KIAA1549: variants seen among roughly 807,000 people sequenced by gnomAD.
The protein encoded by KIAA1549 is KIAA1549.
A neutral mutation model predicts 156.4 loss-of-function variants in KIAA1549; 70 were observed. The observed-to-expected ratio is 0.45, with a 90% CI of 0.37 to 0.55. KIAA1549 has a LOEUF of 0.55. KIAA1549 is among the 20% of genes least tolerant of loss of function. The probability of loss-of-function intolerance (pLI) is 0.00; values close to 1 mark genes in which losing one functional copy is unlikely to be tolerated. For missense variants in KIAA1549, 2,428 were observed against 2,540.9 expected (o/e 0.96, Z 0.96); for synonymous variants, 1,103 against 1,066.4 (o/e 1.03, Z -0.67).
At chr7:138,886,410 G>A (rs1811391972) in intron 10 of KIAA1549, among the ~76,000 whole-genome samples, 1 of 152,022 alleles carries the variant, frequency 6.6e-6, no homozygotes, top group South Asian at 2.1e-4. Flanking sequence ...AAGGAGCTGG[G>A]ACCACAGACA....
intron 3 of KIAA1549, 115 bp from the exon 4 acceptor site, chr7:138,911,438 T>C (rs921443834): frequency 8.2e-6 from 6 of 736,040 alleles, no homozygotes; most frequent in Non-Finnish European, 1.1e-5. Context: ...GGGTAGTGCA[T>C]CACGGATAAT....
At chr7:138,904,668 T>C (rs1365245145) in intron 7 of KIAA1549, among the ~76,000 whole-genome samples, 1 of 151,136 alleles carries the variant, frequency 6.6e-6, no homozygotes, top group Non-Finnish European at 1.5e-5. Context: ...CCACCCTGCT[T>C]GTCCTTATTA....
chr7:138,839,220 T>C (rs1809836644), intron 19 of KIAA1549, among the ~76,000 whole-genome samples: 2 of 152,146 alleles, frequency 1.3e-5, no homozygotes, highest in East Asian at 1.9e-4. Context: ...AGTGTGTCTG[T>C]TGGGAAGGCA....
rs995230695 is a variant in KIAA1549 at position 138,947,369 on chromosome 7, G to A, written c.188-27931C>T. Reference sequence around the variant, plus strand: ...CAAATGAGGAAACTGAAGCTACAGAGGCTGAAAAACCCGAAAACGCTGAAT... The same window carrying A: ...CAAATGAGGAAACTGAAGCTACAGAAGCTGAAAAACCCGAAAACGCTGAAT... On this transcript the variant is annotated intron_variant, in intron 1 of 19. Coordinates refer to ENST00000422774, the MANE Select transcript of KIAA1549 (RefSeq NM_001164665.2). Among the ~76,000 whole-genome samples, 12 of 152,190 alleles carry A rather than the reference G, an allele frequency of 7.9e-5. No individual in the cohort carries two copies. In the East Asian group the frequency reaches 2.3e-3, roughly 29 times the overall value.
rs1440897573 is a variant in KIAA1549 at position 138,921,061 on chromosome 7, T to C, written c.188-1623A>G. Among the ~76,000 whole-genome samples the C allele has an allele frequency of 3.3e-5, 5 of 152,332 alleles. No homozygotes were observed. In the South Asian group the frequency reaches 6.2e-4, roughly 19 times the overall value. ...AAGGCAGGTACTGGACCAGCTGGCC[T>C]GTTGTTTAGGCCACAACGGAGATGA... On this transcript the variant is annotated intron_variant, in intron 1 of 19. Coordinates refer to ENST00000422774, the MANE Select transcript of KIAA1549 (RefSeq NM_001164665.2).
At chr7:138,919,605 G>T (rs1245298267) in intron 1 of KIAA1549, 167 bp from the exon 2 acceptor site, 1 of 1,172,190 alleles carries the variant, frequency 8.5e-7, no homozygotes, top group Non-Finnish European at 1.2e-6. Context: ...GAAATTGACA[G>T]AATTACCATC....
At chr7:138,849,846 AG>A (rs996243578) in intron 17 of KIAA1549, among the ~76,000 whole-genome samples, 1 of 152,208 alleles carries the variant, frequency 6.6e-6, no homozygotes, top group Non-Finnish European at 1.5e-5. Flanking sequence ...TAGTTTGCTA[AG>A]GATAACGGCC....
At chr7:138,957,613 G>C (rs1451742875) in intron 1 of KIAA1549, among the ~76,000 whole-genome samples, 1 of 151,988 alleles carries the variant, frequency 6.6e-6, no homozygotes, top group Non-Finnish European at 1.5e-5. Flanking sequence ...GAGTAGATGG[G>C]ACTACAGGTT....
intron 1 of KIAA1549, among the ~76,000 whole-genome samples, chr7:138,960,761 C>T (rs1333701712): frequency 1.3e-5 from 2 of 152,062 alleles, no homozygotes; most frequent in Non-Finnish European, 1.5e-5. Context: ...CTGCTCTCTC[C>T]ATATTGCACG....
intron 10 of KIAA1549, among the ~76,000 whole-genome samples, chr7:138,890,987 C>T (rs1811529632): frequency 6.6e-6 from 1 of 152,204 alleles, no homozygotes; most frequent in South Asian, 2.1e-4. Context: ...GGCCCGCCTT[C>T]ATCTCCACCG....
At chr7:138,853,092 CTG>C (rs1379334865) in intron 16 of KIAA1549, among the ~76,000 whole-genome samples, 1 of 152,172 alleles carries the variant, frequency 6.6e-6, no homozygotes, top group Non-Finnish European at 1.5e-5. Flanking sequence ...TTTTCAATAA[CTG>C]TGAATTGTTC....
chr7:138,906,413 C>A (rs1812007105), intron 6 of KIAA1549, among the ~76,000 whole-genome samples: 1 of 152,172 alleles, frequency 6.6e-6, no homozygotes, highest in Non-Finnish European at 1.5e-5. Flanking sequence ...CTGGGGGATG[C>A]TGATAATGGA....
intron 9 of KIAA1549, among the ~76,000 whole-genome samples, chr7:138,897,700 C>A (rs1255656961): frequency 6.6e-6 from 1 of 151,588 alleles, no homozygotes; most frequent in Non-Finnish European, 1.5e-5. Context: ...CAAGACCAGC[C>A]TAGGCAACAT....
intron 10 of KIAA1549, among the ~76,000 whole-genome samples, chr7:138,883,233 A>C (rs1286897445): frequency 2.1e-5 from 3 of 146,062 alleles, no homozygotes; most frequent in African/African-American, 7.6e-5. Context: ...AGATCGCGCC[A>C]CTGCACTCCA....
Position 138,837,754 on chromosome 7 carries a change from T to G in KIAA1549, c.*152A>C. ...AAGGCTCATGAGCTGTCACACGACG[T>G]ATGGCATCTTCTAAATTGCAACTTG... On this transcript the variant is annotated 3_prime_UTR_variant, in exon 20 of 20. Transcript: ENST00000422774. The G allele has an allele frequency of 1.3e-6, 1 of 750,618 alleles. No individual in the cohort carries two copies. 46.5% of individuals were successfully genotyped at this position (750,618 alleles called of 1,614,324 possible).
intron 8 of KIAA1549, among the ~76,000 whole-genome samples, chr7:138,902,351 T>G (rs1422705720): frequency 1.3e-5 from 2 of 152,174 alleles, no homozygotes; most frequent in Non-Finnish European, 2.9e-5. Flanking sequence ...CTAATGCCTC[T>G]AATCCACCCA....
At position 138,869,718 on chromosome 7, in the gene KIAA1549, C is replaced by T. The variant is rs758151722; in HGVS notation, c.4595G>A (p.Arg1532His). 1.9e-6 allele frequency: 3 copies of T among 1,611,660 alleles called. No homozygotes were observed. The highest frequency in any genetic ancestry group is 1.1e-5 in the South Asian group (1 of 90,968). ...LRHKSEIEHH[R>H]NKIRLRAKRR... ...CTTGGCGCGCAGGCGGATCTTGTTG[C>T]GATGGTGCTCGATCTCAGACTTGTG... is the stretch of plus-strand genomic sequence containing the variant. The change falls in exon 14 of 20, where the codon CGC (arginine) becomes CAC (histidine). Residue 1532 changes from arginine (R) to histidine (H), a missense_variant. Physicochemically the swap from Arg to His is conservative, Grantham distance 29. Coordinates refer to ENST00000422774, the MANE Select transcript of KIAA1549 (RefSeq NM_001164665.2).
intron 1 of KIAA1549, among the ~76,000 whole-genome samples, chr7:138,973,321 G>A (rs1814276094): frequency 6.6e-6 from 1 of 152,128 alleles, no homozygotes; most frequent in Admixed American, 6.5e-5. Flanking sequence ...TTTCAGTAGA[G>A]CTGGCTTGAC....
intron 15 of KIAA1549, among the ~76,000 whole-genome samples, chr7:138,862,909 G>T (rs796178189): frequency 4.6e-5 from 7 of 152,180 alleles, no homozygotes; most frequent in African/African-American, 1.7e-4. Context: ...CAGCCTGGGT[G>T]ACAAGAGTGA....
Sources: gnomAD v4.1 joint callset for allele counts (sites outside exome capture counted in the v4.1 genomes callset) on GRCh38, gnomAD v4.1.1 for gene constraint, MANE v1.5 for transcripts, NCBI Gene and HGNC (gene_info 2026-07-23, HGNC 2026-07-21) for gene names.